The following ARMH3 variants were observed in gnomAD, a reference collection of about 807,000 sequenced individuals.
The protein encoded by ARMH3 is armadillo-like helical domain-containing protein 3.
ARMH3 carries 60 observed loss-of-function variants against 99.1 expected under a neutral mutation model. The observed-to-expected ratio is 0.61, with a 90% confidence interval of 0.49 to 0.75. ARMH3 has a LOEUF of 0.75. ARMH3 is among the 30% of genes least tolerant of loss of function. ARMH3 has a pLI of 0.00. For synonymous variants in ARMH3, 285 were observed against 292.8 expected, an observed-to-expected ratio of 0.97 and a Z score of 0.27; for missense variants, 679 against 843.1, an observed-to-expected ratio of 0.81 and a Z score of 2.41.
At chr10:101,989,828 T>C (rs1183521018) in intron 19 of ARMH3, among the ~76,000 whole-genome samples, 1 of 152,222 alleles carries the variant, frequency 6.6e-6, no homozygotes. Context: ...GCCCAGATAA[T>C]AGGGCTCCAG....
In ARMH3 at chr10:101,968,480, C is replaced by T. The variant is rs115843877; in HGVS notation, c.1495+6732G>A. ...ACCTTATGAAACCACATGACATGTC[C>T]CTTTGAAACTAATATAGGCAGAGTA... On this transcript the variant is annotated intron_variant, in intron 20 of 25. Transcript: ENST00000370033. Among the ~76,000 whole-genome samples, 1,418 of 152,214 alleles carry T rather than the reference C, an allele frequency of 9.3e-3. 18 individuals carry two copies. The highest frequency in any genetic ancestry group is 0.032 in the African/African-American group (1,347 of 41,524).
At chr10:101,996,118 G>A (rs887595931) in intron 15 of ARMH3, among the ~76,000 whole-genome samples, 1 of 152,218 alleles carries the variant, frequency 6.6e-6, no homozygotes, top group East Asian at 1.9e-4. Flanking sequence ...TTACTGCCAA[G>A]TACGAGAACC....
At chr10:102,036,193 C>T (rs1176750873) in intron 2 of ARMH3, among the ~76,000 whole-genome samples, 4 of 135,972 alleles carry the variant, frequency 2.9e-5, no homozygotes, top group Non-Finnish European at 4.9e-5. Flanking sequence ...CCAGCCGCCC[C>T]GTCCGGGAGG....
chr10:101,885,511 G>A (rs1259465417), intron 24 of ARMH3, among the ~76,000 whole-genome samples: 1 of 152,156 alleles, frequency 6.6e-6, no homozygotes, highest in Non-Finnish European at 1.5e-5. Flanking sequence ...ATGATGCTAA[G>A]TGAAATAAGC....
chr10:102,036,329 G>A (rs1324165763), intron 2 of ARMH3, among the ~76,000 whole-genome samples: 1 of 151,988 alleles, frequency 6.6e-6, no homozygotes, highest in Non-Finnish European at 1.5e-5. Flanking sequence ...CCCCTTCTGG[G>A]AAGTGAGGAG....
intron 23 of ARMH3, among the ~76,000 whole-genome samples, chr10:101,916,509 C>T (rs902056630): frequency 1.3e-5 from 2 of 152,212 alleles, no homozygotes; most frequent in African/African-American, 2.4e-5. Context: ...AGTATGGAAA[C>T]TATGGTCAGA....
At chr10:102,001,072 C>A (rs1468019509) in intron 15 of ARMH3, among the ~76,000 whole-genome samples, 1 of 152,146 alleles carries the variant, frequency 6.6e-6, no homozygotes, top group Non-Finnish European at 1.5e-5. Context: ...CCGCCTCAGC[C>A]TCCCAAAGGG....
At chr10:101,966,329 T>G (rs1391307486) in intron 20 of ARMH3, among the ~76,000 whole-genome samples, 5 of 125,708 alleles carry the variant, frequency 4.0e-5, no homozygotes, top group Non-Finnish European at 6.3e-5. Context: ...CAGGCTGGAG[T>G]GCAATGGTGT....
At chr10:101,886,230 C>A in intron 24 of ARMH3, among the ~76,000 whole-genome samples, 1 of 151,260 alleles carries the variant, frequency 6.6e-6, no homozygotes, top group Non-Finnish European at 1.5e-5. Context: ...AATGTATGAC[C>A]AGGCTGGGTG....
intron 1 of ARMH3, among the ~76,000 whole-genome samples, chr10:102,043,561 G>A (rs545873945): frequency 2.0e-4 from 30 of 152,222 alleles, no homozygotes; most frequent in Admixed American, 1.6e-3. Flanking sequence ...GAAGTACAAA[G>A]AAAATGCTAT....
intron 2 of ARMH3, among the ~76,000 whole-genome samples, chr10:102,038,751 C>CT (rs969330869): frequency 3.5e-5 from 5 of 141,236 alleles, no homozygotes; most frequent in African/African-American, 1.3e-4. Flanking sequence ...TTTTTTTTTT[C>CT]TTTTTTTTGA....
In ARMH3 at chr10:101,998,136, T is replaced by C. The variant is rs191468052; in HGVS notation, c.1151-2781A>G. Among the ~76,000 whole-genome samples the C allele has an allele frequency of 9.2e-5, 14 of 152,368 alleles. No homozygotes were observed. The East Asian group carries it at 2.5e-3, about 27-fold the overall frequency. ...CAAGTGACCAAGACAAAGAAGCTTA[T>C]ATAATCACTAAAGCTAAAAATGAGT... On this transcript the variant is annotated intron_variant, in intron 15 of 25. Transcript: ENST00000370033.
intron 24 of ARMH3, among the ~76,000 whole-genome samples, chr10:101,872,630 T>A (rs1375650361): frequency 1.3e-5 from 2 of 151,964 alleles, no homozygotes; most frequent in Non-Finnish European, 2.9e-5. Context: ...CTTGCTCTAG[T>A]CATCATGCAA....
chr10:102,005,191 C>T (rs1286145410), intron 14 of ARMH3, among the ~76,000 whole-genome samples: 1 of 151,616 alleles, frequency 6.6e-6, no homozygotes, highest in African/African-American at 2.4e-5. Context: ...TGCGAGACTC[C>T]GTCTCAAAAA....
At chr10:102,033,409 G>A (rs1257282851) in intron 2 of ARMH3, 70 bp from the exon 3 acceptor site, 2 of 1,438,448 alleles carry the variant, frequency 1.4e-6, no homozygotes, top group East Asian at 4.6e-5. Context: ...ACTATACATA[G>A]TCAACCTTAG....
At chr10:101,848,539 C>A (rs2066512500) in intron 25 of ARMH3, among the ~76,000 whole-genome samples, 1 of 152,134 alleles carries the variant, frequency 6.6e-6, no homozygotes, top group Non-Finnish European at 1.5e-5. Flanking sequence ...GTCTCAGGAG[C>A]TTTCCTTCAA....
At chr10:101,968,106 A>C (rs1379404697) in intron 20 of ARMH3, among the ~76,000 whole-genome samples, 3 of 152,108 alleles carry the variant, frequency 2.0e-5, no homozygotes, top group Non-Finnish European at 4.4e-5. Context: ...AGACAATGCA[A>C]ACCTCACAAT....
At chr10:101,871,692 C>T (rs2067135553) in intron 24 of ARMH3, among the ~76,000 whole-genome samples, 1 of 152,100 alleles carries the variant, frequency 6.6e-6, no homozygotes, top group East Asian at 1.9e-4. Flanking sequence ...GCCAGAATTA[C>T]AAAACTTACA....
At chr10:101,949,468 G>A (rs1393428078) in intron 22 of ARMH3, among the ~76,000 whole-genome samples, 1 of 151,998 alleles carries the variant, frequency 6.6e-6, no homozygotes, top group East Asian at 1.9e-4. Flanking sequence ...CCCCATAAAA[G>A]TGACAACAAA....
Sources: allele counts gnomAD v4.1 joint callset (sites outside exome capture counted in the v4.1 genomes callset), GRCh38; gene constraint gnomAD v4.1.1; transcripts MANE v1.5; gene names NCBI Gene and HGNC (gene_info 2026-07-23, HGNC 2026-07-21).